The following CSRNP3 variants were observed in gnomAD, a reference collection of about 807,000 sequenced individuals.
CSRNP3 encodes cysteine/serine-rich nuclear protein 3.
In CSRNP3, 12 loss-of-function variants were observed where a neutral mutation model predicts 48.0. The observed-to-expected ratio is 0.25, with a 90% CI of 0.16 to 0.41. The LOEUF (loss-of-function observed/expected upper bound fraction) is 0.41. CSRNP3 is among the 10% of genes least tolerant of loss of function. The pLI, the probability that CSRNP3 is intolerant of heterozygous loss-of-function variation, is 1.00. For missense variants in CSRNP3, 580 were observed against 724.4 expected (o/e 0.80, Z 2.29); for synonymous variants, 263 against 269.7 (o/e 0.98, Z 0.24).
chr2:165,631,066 T>A (rs1170153349), intron 4 of CSRNP3, among the ~76,000 whole-genome samples: 1 of 152,238 alleles, frequency 6.6e-6, no homozygotes, highest in Non-Finnish European at 1.5e-5. Flanking sequence ...TAATCATAAT[T>A]GCCTTATTAT....
chr2:165,529,481 G>C (rs1684784221), intron 3 of CSRNP3, among the ~76,000 whole-genome samples: 1 of 152,072 alleles, frequency 6.6e-6, no homozygotes, highest in Non-Finnish European at 1.5e-5. Flanking sequence ...TGCCATGATT[G>C]TGAGGCCTCT....
At chr2:165,674,388 T>A (rs1229505714) in intron 5 of CSRNP3, among the ~76,000 whole-genome samples, 2 of 152,010 alleles carry the variant, frequency 1.3e-5, no homozygotes. Context: ...GAAAATCAGA[T>A]CTTTACAGCT....
At chr2:165,515,801 CTTTT>C (rs532831528) in intron 2 of CSRNP3, among the ~76,000 whole-genome samples, 197 of 106,038 alleles carry the variant, frequency 1.9e-3, no homozygotes, top group Admixed American at 6.1e-3. Flanking sequence ...CTTTTCCTTT[CTTTT>C]TTTTTTTTTT....
chr2:165,554,184 A>G (rs917636499), intron 3 of CSRNP3, among the ~76,000 whole-genome samples: 2 of 152,022 alleles, frequency 1.3e-5, no homozygotes, highest in Non-Finnish European at 2.9e-5. Context: ...CTGCCAGGAA[A>G]CCACACTCCT....
At chr2:165,650,827 A>C (rs1031314004) in intron 4 of CSRNP3, among the ~76,000 whole-genome samples, 12 of 152,208 alleles carry the variant, frequency 7.9e-5, no homozygotes, top group Non-Finnish European at 1.5e-4. Context: ...ATTATCTGGC[A>C]TTTTCCTTTT....
At chr2:165,546,302 C>T (rs1685024430) in intron 3 of CSRNP3, among the ~76,000 whole-genome samples, 1 of 152,144 alleles carries the variant, frequency 6.6e-6, no homozygotes, top group African/African-American at 2.4e-5. Context: ...AAGCGATTCT[C>T]CTGCCTTAGC....
chr2:165,535,349 ACT>A lies in CSRNP3; in HGVS notation c.-24+17391_-24+17392del, dbSNP rs1009792083. 2.2e-4 allele frequency among the ~76,000 whole-genome samples: 33 copies of A among 151,174 alleles called. No individual in the cohort carries two copies. The Middle Eastern group carries it at 0.01, about 47-fold the overall frequency. ...TTTTTTCTTTGACCTACATTTTAAA[ACT>A]CTGTAATAACCTGTTCTGGGAGGAA... On this transcript the variant is annotated intron_variant, in intron 3 of 6. Transcript: ENST00000651982.
chr2:165,491,714 A>G (rs1259214067), intron 1 of CSRNP3, among the ~76,000 whole-genome samples: 2 of 120,108 alleles, frequency 1.7e-5, no homozygotes, highest in African/African-American at 6.2e-5. Flanking sequence ...AAAACCAAAC[A>G]CCGCATATTC....
chr2:165,523,526 A>G (rs1426869305), intron 3 of CSRNP3, among the ~76,000 whole-genome samples: 1 of 152,132 alleles, frequency 6.6e-6, no homozygotes, highest in Non-Finnish European at 1.5e-5. Flanking sequence ...CAGAGCATGC[A>G]CTTTCTAAAG....
intron 3 of CSRNP3, among the ~76,000 whole-genome samples, chr2:165,534,903 AT>A (rs1684862067): frequency 6.6e-6 from 1 of 151,752 alleles, no homozygotes; most frequent in Non-Finnish European, 1.5e-5. Context: ...TTTCTGTAAC[AT>A]TTAAATTATT....
chr2:165,563,458 C>T (rs1245798512), intron 3 of CSRNP3, among the ~76,000 whole-genome samples: 1 of 152,136 alleles, frequency 6.6e-6, no homozygotes, highest in Non-Finnish European at 1.5e-5. Flanking sequence ...AATCTTATCC[C>T]ACCATGTGGC....
chr2:165,537,879 T>C (rs1033375494), intron 3 of CSRNP3, among the ~76,000 whole-genome samples: 1 of 151,994 alleles, frequency 6.6e-6, no homozygotes, highest in African/African-American at 2.4e-5. Context: ...ATTTGTTCAA[T>C]TCAGAAACAT....
chr2:165,680,411 TG>T lies in CSRNP3; in HGVS notation c.*660del, dbSNP rs1687514329. The T allele has an allele frequency of 6.5e-6, 1 of 152,768 alleles. No homozygotes were observed. The highest frequency in any genetic ancestry group is 2.4e-5 in the African/African-American group (1 of 41,552). The allele number at this position is 152,768 out of a possible 1,614,324, so 9.5% of individuals were successfully genotyped here. ...TGAAATAGGCCTATTTTTGCTATTT[TG>T]GACAAATAAATGATTCTATATGTGC... On this transcript the variant is annotated 3_prime_UTR_variant, in exon 7 of 7. Coordinates refer to ENST00000651982, the MANE Select transcript of CSRNP3 (RefSeq NM_001172173.2).
At chr2:165,617,097 G>A (rs1460587110) in intron 4 of CSRNP3, among the ~76,000 whole-genome samples, 5 of 151,868 alleles carry the variant, frequency 3.3e-5, no homozygotes, top group Admixed American at 2.6e-4. Flanking sequence ...GTATTCTCTT[G>A]TATCTCACTG....
At chr2:165,556,407 C>T (rs950233556) in intron 3 of CSRNP3, among the ~76,000 whole-genome samples, 5 of 151,964 alleles carry the variant, frequency 3.3e-5, no homozygotes, top group African/African-American at 9.7e-5. Context: ...GACGTAGATA[C>T]GGAGGTCATC....
chr2:165,674,072 T>C (rs1687379998), intron 5 of CSRNP3, among the ~76,000 whole-genome samples: 1 of 152,058 alleles, frequency 6.6e-6, no homozygotes, highest in Non-Finnish European at 1.5e-5. Context: ...TCTCTGTTGA[T>C]ATAAAATGGA....
At chr2:165,618,894 T>A (rs1239256190) in intron 4 of CSRNP3, among the ~76,000 whole-genome samples, 1 of 152,214 alleles carries the variant, frequency 6.6e-6, no homozygotes, top group Non-Finnish European at 1.5e-5. Flanking sequence ...AAGGTTTTAA[T>A]TATGTGGTGT....
intron 1 of CSRNP3, among the ~76,000 whole-genome samples, chr2:165,490,982 C>G (rs1684198102): frequency 7.2e-6 from 1 of 139,274 alleles, no homozygotes; most frequent in Non-Finnish European, 1.6e-5. Context: ...TTCTGCACAG[C>G]AAAAGAAACT....
intron 5 of CSRNP3, among the ~76,000 whole-genome samples, chr2:165,669,028 C>A (rs1471407942): frequency 6.6e-6 from 1 of 152,186 alleles, no homozygotes; most frequent in Non-Finnish European, 1.5e-5. Flanking sequence ...GATTGTCATG[C>A]AAATTAGGTG....
Sources: gnomAD v4.1 joint callset for allele counts (sites outside exome capture counted in the v4.1 genomes callset) on GRCh38, gnomAD v4.1.1 for gene constraint, MANE v1.5 for transcripts, NCBI Gene and HGNC (gene_info 2026-07-23, HGNC 2026-07-21) for gene names.